BPTF: variants seen among roughly 807,000 people sequenced by gnomAD.
BPTF encodes bromodomain PHD finger transcription factor, also known as nucleosome-remodeling factor subunit BPTF.
In BPTF, 18 loss-of-function variants were observed where a neutral mutation model predicts 292.5. The ratio of observed to expected loss-of-function variants is 0.06; its 90% CI spans 0.04 to 0.09. The LOEUF (loss-of-function observed/expected upper bound fraction) is 0.09, where lower values mean the gene tolerates loss of function less well. Ranked by LOEUF, BPTF falls within the 10% of genes least tolerant of loss-of-function variation. The pLI is 1.00. For missense variants in BPTF, 2,726 were observed against 3,498.7 expected (o/e 0.78, Z 5.57); for synonymous variants, 1,225 against 1,251.9 (o/e 0.98, Z 0.45).
intron 11 of BPTF, among the ~76,000 whole-genome samples, chr17:67,916,559 C>T (rs935733660): frequency 6.6e-6 from 1 of 151,834 alleles, no homozygotes; most frequent in Non-Finnish European, 1.5e-5. Flanking sequence ...CATTGCACTC[C>T]AGCCTGAGCG....
intron 7 of BPTF, among the ~76,000 whole-genome samples, chr17:67,897,341 CAAAA>C (rs750678904): frequency 0.086 from 1,477 of 17,170 alleles, 13 homozygotes; most frequent in African/African-American, 0.15. Context: ...AACTCTGTCT[CAAAA>C]AAAAAAAAAA....
intron 16 of BPTF, 80 bp downstream of exon 16, chr17:67,928,681 AT>A (rs1424459359): frequency 6.9e-7 from 1 of 1,454,642 alleles, no homozygotes; most frequent in Non-Finnish European, 9.2e-7. Flanking sequence ...GAAATGAAAC[AT>A]TTTTTTAGAA....
At chr17:67,848,445 CAA>C (rs1263207638) in intron 1 of BPTF, among the ~76,000 whole-genome samples, 1 of 152,098 alleles carries the variant, frequency 6.6e-6, no homozygotes, top group Non-Finnish European at 1.5e-5. Flanking sequence ...GAGGACCGTA[CAA>C]AGTGTCAGAA....
At chr17:67,865,331 C>G (rs1437455078) in intron 2 of BPTF, among the ~76,000 whole-genome samples, 1 of 152,174 alleles carries the variant, frequency 6.6e-6, no homozygotes, top group African/African-American at 2.4e-5. Context: ...AATTTTTATT[C>G]ATTTATTACC....
chr17:67,927,907 A>G (rs1229778979), intron 15 of BPTF, among the ~76,000 whole-genome samples: 2 of 150,602 alleles, frequency 1.3e-5, no homozygotes, highest in Middle Eastern at 3.2e-3. Flanking sequence ...TTTTTTAGAG[A>G]TGGAGTCACT....
At chr17:67,913,673 TTC>T (rs1285215255) in intron 11 of BPTF, among the ~76,000 whole-genome samples, 2 of 152,152 alleles carry the variant, frequency 1.3e-5, no homozygotes, top group African/African-American at 2.4e-5. Flanking sequence ...TGTTTTGGAG[TTC>T]TCTGTTATTT....
chr17:67,960,168 G>A (rs2067339298), intron 24 of BPTF: 3 of 264,216 alleles, frequency 1.1e-5, no homozygotes, highest in Admixed American at 9.9e-5. Context: ...AAATCAGTGA[G>A]TAATTGATGT....
intron 13 of BPTF, 37 bp downstream of exon 13, chr17:67,920,180 G>A (rs2063339139): frequency 6.4e-7 from 1 of 1,572,158 alleles, no homozygotes; most frequent in Non-Finnish European, 8.7e-7. Flanking sequence ...TGATTAACCT[G>A]TTAACCATGT....
At chr17:67,828,278 G>C (rs1222599791) in intron 1 of BPTF, among the ~76,000 whole-genome samples, 2 of 152,030 alleles carry the variant, frequency 1.3e-5, no homozygotes, top group African/African-American at 4.8e-5. Flanking sequence ...ATCACATGTT[G>C]GTCTTCTTTG....
chr17:67,919,192 AATAAT>A (rs1440909415), intron 12 of BPTF, among the ~76,000 whole-genome samples: 1 of 139,828 alleles, frequency 7.2e-6, no homozygotes, highest in Non-Finnish European at 1.5e-5. Context: ...TAATAATAAT[AATAAT>A]AATAATAATA....
intron 15 of BPTF, among the ~76,000 whole-genome samples, chr17:67,925,868 A>G (rs4791301): frequency 1.3e-5 from 2 of 152,088 alleles, no homozygotes; most frequent in East Asian, 1.9e-4. Flanking sequence ...GATTCTATGT[A>G]TGATGCTGTC....
In BPTF at chr17:67,825,790, G is replaced by C. The variant is rs1197033018; in HGVS notation, c.66G>C (p.Pro22=). The C allele has an allele frequency of 7.2e-5, 75 of 1,035,728 alleles. No homozygotes were observed. The highest frequency in any genetic ancestry group is 8.7e-5 in the Non-Finnish European group (75 of 864,952). 64.2% of individuals were successfully genotyped at this position (1,035,728 alleles called of 1,614,324 possible). The part of the protein sequence containing the change: ...PAAPAAERCA[P]APPPPPPPPT... ...CTCCCGCTGCGGAGCGCTGCGCCCC[G>C]GCCCCGCCGCCACCGCCGCCGCCGC... Residue 22 remains proline (P), a synonymous_variant, in exon 1 of 28, where the codon CCG becomes CCC. Transcript: ENST00000306378.
intron 26 of BPTF, among the ~76,000 whole-genome samples, chr17:67,972,589 A>AT (rs1369692052): frequency 2.6e-5 from 4 of 151,938 alleles, no homozygotes; most frequent in African/African-American, 9.7e-5. Context: ...AGTTTCATAG[A>AT]TTTTTTGGCA....
At chr17:67,876,666 C>G (rs997489804) in intron 4 of BPTF, among the ~76,000 whole-genome samples, 1 of 152,164 alleles carries the variant, frequency 6.6e-6, no homozygotes, top group Non-Finnish European at 1.5e-5. Context: ...ATTAGCTGGA[C>G]ATGATATCAT....
At chr17:67,852,087 G>A (rs2058442324) in intron 1 of BPTF, among the ~76,000 whole-genome samples, 1 of 151,860 alleles carries the variant, frequency 6.6e-6, no homozygotes, top group African/African-American at 2.4e-5. Context: ...ACAGTTGAGG[G>A]GCTTAAGTGG....
rs563012506 is a variant in BPTF, at chr17:67,947,476, T to C, written c.7618-250T>C. On this transcript the variant is annotated intron_variant, in intron 21 of 27. Coordinates refer to ENST00000306378, the MANE Select transcript of BPTF (RefSeq NM_182641.4). ...TGTCTCAGTATCTTGTTTATAAAAT[T>C]ATTGCTATGGTTCAGTGTTGTTGTA... Among the ~76,000 whole-genome samples the C allele has an allele frequency of 8.7e-4, 133 of 152,314 alleles. 1 individual carries two copies. Among genetic ancestry groups the C allele is most frequent in the Non-Finnish European group, 1.3e-3 (89 of 68,026 alleles).
chr17:67,890,411 G>A (rs1265425783), intron 4 of BPTF, among the ~76,000 whole-genome samples: 1 of 152,154 alleles, frequency 6.6e-6, no homozygotes, highest in Non-Finnish European at 1.5e-5. Context: ...GGGAATAAAA[G>A]TGGCCAACTT....
At chr17:67,826,863 C>G (rs1306790135) in intron 1 of BPTF, among the ~76,000 whole-genome samples, 11 of 152,176 alleles carry the variant, frequency 7.2e-5, no homozygotes, top group Admixed American at 3.9e-4. Context: ...TGCGTTTTCA[C>G]ACCCCTAGCT....
chr17:67,912,497 C>A lies in BPTF; in HGVS notation c.4613C>A (p.Thr1538Asn). The stretch of plus-strand genomic sequence containing the variant: ...CAGGTAGAAGATATGGAAATAGAAA[C>A]CTCAGAAGTTAAGAAAGTTACTTCA... ...VNQVEDMEIE[T>N]SEVKKVTSSP... Residue 1538 changes from threonine to asparagine, a missense_variant, in exon 11 of 28, where the codon ACC (threonine) becomes AAC (asparagine). By Grantham distance (65) the Thr-to-Asn change is moderately conservative. Coordinates refer to ENST00000306378, the MANE Select transcript of BPTF (RefSeq NM_182641.4). 3 of 1,613,844 alleles carry A rather than the reference C, an allele frequency of 1.9e-6. No individual in the cohort carries two copies. The highest frequency in any genetic ancestry group is 1.7e-6 in the Non-Finnish European group (2 of 1,179,930).
Sources: gnomAD v4.1 joint callset for allele counts (sites outside exome capture counted in the v4.1 genomes callset) on GRCh38, gnomAD v4.1.1 for gene constraint, MANE v1.5 for transcripts, NCBI Gene and HGNC (gene_info 2026-07-23, HGNC 2026-07-21) for gene names.